Variants in CNTN4 observed in about 807,000 individuals in gnomAD.
CNTN4 encodes the protein contactin-4.
A neutral mutation model predicts 122.5 loss-of-function variants in CNTN4; 77 were observed. The ratio of observed to expected loss-of-function variants is 0.63; its 90% CI spans 0.52 to 0.76. The LOEUF (loss-of-function observed/expected upper bound fraction) is 0.76, where lower values mean the gene tolerates loss of function less well. Among genes scored for constraint, CNTN4 ranks in the 30% least tolerant of loss-of-function variants. The pLI, the probability that CNTN4 is intolerant of heterozygous loss-of-function variation, is 0.00. For synonymous variants in CNTN4, 512 were observed against 447.0 expected (o/e 1.15, Z -1.83); for missense variants, 1,256 against 1,259.1 (o/e 1.00, Z 0.04).
intron 3 of CNTN4, among the ~76,000 whole-genome samples, chr3:2,434,350 A>G (rs1383160263): frequency 6.6e-6 from 1 of 151,476 alleles, no homozygotes; most frequent in African/African-American, 2.5e-5. Context: ...GTTTAAAAAC[A>G]AAAAAGAAAG....
At chr3:2,868,654 C>T (rs1420145961) in intron 8 of CNTN4, among the ~76,000 whole-genome samples, 1 of 152,154 alleles carries the variant, frequency 6.6e-6, no homozygotes, top group African/African-American at 2.4e-5. Context: ...TTCATTTATT[C>T]ATCCATTTAA....
chr3:2,694,945 T>C lies in CNTN4; in HGVS notation c.56-41270T>C, dbSNP rs536901346. ...GGCTTATAAATGAACCGTTTGGTTT[T>C]AAATTTTAAAAAGGAATCTTATAAA... On this transcript the variant is annotated intron_variant, in intron 4 of 24. Transcript: ENST00000418658. Among the ~76,000 whole-genome samples, 5 of 152,338 alleles carry C rather than the reference T, an allele frequency of 3.3e-5. No homozygotes were observed. In the East Asian group the frequency reaches 9.6e-4, roughly 29 times the overall value.
intron 6 of CNTN4, among the ~76,000 whole-genome samples, chr3:2,814,417 C>G (rs569415035): frequency 6.6e-6 from 1 of 152,058 alleles, no homozygotes; most frequent in East Asian, 1.9e-4. Context: ...AATCCTGCTT[C>G]TTAATAGAGT....
chr3:2,478,171 T>C (rs888230941), intron 3 of CNTN4, among the ~76,000 whole-genome samples: 1 of 152,140 alleles, frequency 6.6e-6, no homozygotes, highest in South Asian at 2.1e-4. Flanking sequence ...AGAAGGAAAA[T>C]GCATTCTACA....
chr3:2,947,590 A>G lies in CNTN4; in HGVS notation c.1358+21811A>G, dbSNP rs184605132. ...ACTCTGTGTTTTCTCTTCCCTGGAG[A>G]TTGTACTAATCTACTCTTGTTATTT... On this transcript the variant is annotated intron_variant, in intron 13 of 24. Coordinates refer to ENST00000418658, the MANE Select transcript of CNTN4 (RefSeq NM_175607.3). Among the ~76,000 whole-genome samples, 13 of 152,240 alleles carry G rather than the reference A, an allele frequency of 8.5e-5. No individual in the cohort carries two copies. In the East Asian group the frequency reaches 2.5e-3, roughly 29 times the overall value.
chr3:2,169,587 C>CG (rs1435140891), intron 2 of CNTN4, among the ~76,000 whole-genome samples: 2 of 151,494 alleles, frequency 1.3e-5, no homozygotes, highest in African/African-American at 4.9e-5. Context: ...TTTGTAGAGA[C>CG]GGGGTTTCAC....
chr3:3,004,496 T>C (rs1696398815), intron 14 of CNTN4, among the ~76,000 whole-genome samples: 1 of 152,216 alleles, frequency 6.6e-6, no homozygotes, highest in Admixed American at 6.5e-5. Flanking sequence ...ACAGATCCAT[T>C]ACAGTCCATC....
At chr3:2,243,401 G>C (rs769407765) in intron 2 of CNTN4, among the ~76,000 whole-genome samples, 1 of 152,148 alleles carries the variant, frequency 6.6e-6, no homozygotes, top group Non-Finnish European at 1.5e-5. Flanking sequence ...AGGCCCATGT[G>C]TGGGCTGTAT....
intron 6 of CNTN4, among the ~76,000 whole-genome samples, chr3:2,747,846 T>C (rs960515945): frequency 3.9e-5 from 6 of 152,228 alleles, no homozygotes; most frequent in African/African-American, 1.4e-4. Flanking sequence ...CAGACTGCTC[T>C]ACTTGTTCAA....
At chr3:2,827,212 C>T (rs1051028129) in intron 7 of CNTN4, among the ~76,000 whole-genome samples, 14 of 152,170 alleles carry the variant, frequency 9.2e-5, no homozygotes, top group Non-Finnish European at 1.5e-4. Context: ...TACTTTCTCT[C>T]ATTACCTTTT....
rs2044345463 is a variant in CNTN4 at position 2,344,949 on chromosome 3, G to C, written c.-89+5716G>C. ...CCTAGAATTTCTGTTAGCACTTAATGAATTTAATCAGCCCCCGAGGGACTT... is the reference window on the plus strand; with the variant it reads ...CCTAGAATTTCTGTTAGCACTTAATCAATTTAATCAGCCCCCGAGGGACTT... On this transcript the variant is annotated intron_variant, in intron 3 of 24. Transcript: ENST00000418658. 2.0e-5 allele frequency among the ~76,000 whole-genome samples: 3 copies of C among 152,190 alleles called. No homozygotes were observed. In the South Asian group the frequency reaches 6.2e-4, roughly 32 times the overall value.
chr3:3,037,081 T>C (rs1699677665), intron 17 of CNTN4, 98 bp from the exon 18 acceptor site: 1 of 1,375,448 alleles, frequency 7.3e-7, no homozygotes. Context: ...AATACAATAA[T>C]GATGAGGATG....
intron 13 of CNTN4, among the ~76,000 whole-genome samples, chr3:2,980,701 A>C (rs1046564240): frequency 6.6e-6 from 1 of 152,196 alleles, no homozygotes; most frequent in African/African-American, 2.4e-5. Flanking sequence ...TAGGCAAAAG[A>C]AAGAGAAAGA....
intron 3 of CNTN4, among the ~76,000 whole-genome samples, chr3:2,523,608 T>A (rs141520527): frequency 6.6e-6 from 1 of 151,938 alleles, no homozygotes; most frequent in African/African-American, 2.4e-5. Context: ...GGCTTTGAAC[T>A]TGAAAAAGGT....
chr3:2,368,703 A>C (rs2045513160), intron 3 of CNTN4, among the ~76,000 whole-genome samples: 1 of 152,148 alleles, frequency 6.6e-6, no homozygotes, highest in African/African-American at 2.4e-5. Flanking sequence ...AAGACTATAA[A>C]ATCTCTGACT....
intron 2 of CNTN4, among the ~76,000 whole-genome samples, chr3:2,160,974 A>G (rs1366020146): frequency 5.3e-5 from 8 of 152,112 alleles, no homozygotes; most frequent in Admixed American, 3.3e-4. Flanking sequence ...CTAAATAACT[A>G]ATCATACTGT....
intron 2 of CNTN4, among the ~76,000 whole-genome samples, chr3:2,305,124 T>G (rs1324837824): frequency 6.6e-6 from 1 of 152,128 alleles, no homozygotes; most frequent in Non-Finnish European, 1.5e-5. Context: ...TGTTTTCAAA[T>G]GTTGACACTT....
chr3:2,917,620 G>A lies in CNTN4; in HGVS notation c.1208-8009G>A, dbSNP rs115717258. Among the ~76,000 whole-genome samples, 609 of 152,204 alleles carry A rather than the reference G, an allele frequency of 4.0e-3. 5 individuals carry two copies. The highest frequency in any genetic ancestry group is 0.013 in the African/African-American group (519 of 41,520). On this transcript the variant is annotated intron_variant, in intron 12 of 24. Transcript: ENST00000418658. ...TCTGTCTTGTAGTGGATGGAGTTCCGGAGGGTGTACATTTAACAAGCTTCT... is the reference window on the plus strand; with the variant it reads ...TCTGTCTTGTAGTGGATGGAGTTCCAGAGGGTGTACATTTAACAAGCTTCT...
intron 2 of CNTN4, among the ~76,000 whole-genome samples, chr3:2,293,968 G>T (rs2042218829): frequency 6.6e-6 from 1 of 152,138 alleles, no homozygotes; most frequent in African/African-American, 2.4e-5. Flanking sequence ...GTTTACCCTG[G>T]TCTTGAATGC....
Sources: allele counts gnomAD v4.1 joint callset (sites outside exome capture counted in the v4.1 genomes callset), GRCh38; gene constraint gnomAD v4.1.1; transcripts MANE v1.5; gene names NCBI Gene and HGNC (gene_info 2026-07-23, HGNC 2026-07-21).